TMEM117: variants seen among roughly 807,000 people sequenced by gnomAD.
TMEM117 encodes transmembrane protein 117.
In TMEM117, 27 loss-of-function variants were observed where a neutral mutation model predicts 52.4. The ratio of observed to expected loss-of-function variants is 0.51; its 90% CI spans 0.38 to 0.71. The LOEUF is 0.71. TMEM117 is among the 30% of genes least tolerant of loss of function. TMEM117 has a pLI of 0.00. For synonymous variants in TMEM117, 215 were observed against 206.3 expected (o/e 1.04, Z -0.36); for missense variants, 556 against 630.5 (o/e 0.88, Z 1.26).
intron 3 of TMEM117, among the ~76,000 whole-genome samples, chr12:44,119,960 G>C (rs1390081303): frequency 6.6e-6 from 1 of 152,090 alleles, no homozygotes; most frequent in Non-Finnish European, 1.5e-5. Context: ...TAGTATCTTG[G>C]AGAAGTGGCA....
chr12:43,939,935 G>A (rs1945016574), intron 2 of TMEM117, among the ~76,000 whole-genome samples: 1 of 152,192 alleles, frequency 6.6e-6, no homozygotes. Flanking sequence ...GAGAGCTTGT[G>A]TAGAGGAACT....
intron 5 of TMEM117, among the ~76,000 whole-genome samples, chr12:44,255,629 A>C (rs1392806690): frequency 6.6e-6 from 1 of 152,140 alleles, no homozygotes; most frequent in East Asian, 1.9e-4. Flanking sequence ...TAATTGTAAA[A>C]GCAGGATATA....
chr12:44,243,601 A>G (rs1344304469), intron 5 of TMEM117, among the ~76,000 whole-genome samples: 3 of 151,658 alleles, frequency 2.0e-5, no homozygotes, highest in Admixed American at 2.0e-4. Context: ...TAACATATCT[A>G]TTATTTCACA....
chr12:44,281,836 ACTTT>A (rs1242337842), intron 5 of TMEM117, among the ~76,000 whole-genome samples: 1 of 152,124 alleles, frequency 6.6e-6, no homozygotes, highest in Non-Finnish European at 1.5e-5. Flanking sequence ...CTTTATTATG[ACTTT>A]CTTTACCAAT....
intron 6 of TMEM117, among the ~76,000 whole-genome samples, chr12:44,348,331 T>A (rs1275554610): frequency 6.6e-6 from 1 of 151,842 alleles, no homozygotes; most frequent in Non-Finnish European, 1.5e-5. Flanking sequence ...CCCATTCTAA[T>A]GATCCCAACT....
chr12:44,032,450 A>C (rs961218770), intron 3 of TMEM117, among the ~76,000 whole-genome samples: 7 of 152,188 alleles, frequency 4.6e-5, no homozygotes, highest in Non-Finnish European at 5.9e-5. Flanking sequence ...GAAACAAGAG[A>C]GATGGGTAAT....
chr12:44,064,385 T>C (rs1947188999), intron 3 of TMEM117, among the ~76,000 whole-genome samples: 1 of 152,244 alleles, frequency 6.6e-6, no homozygotes, highest in South Asian at 2.1e-4. Flanking sequence ...CTCATACTAA[T>C]TTATTACTTC....
intron 3 of TMEM117, among the ~76,000 whole-genome samples, chr12:43,988,543 G>A (rs1306702071): frequency 2.0e-5 from 3 of 152,046 alleles, no homozygotes; most frequent in Admixed American, 2.0e-4. Flanking sequence ...AGAACATATG[G>A]ACTGTAATGC....
intron 2 of TMEM117, among the ~76,000 whole-genome samples, chr12:43,865,567 C>T (rs928114370): frequency 1.3e-5 from 2 of 151,882 alleles, no homozygotes; most frequent in African/African-American, 4.8e-5. Flanking sequence ...CGTGGTGGTG[C>T]ATGTCTGTAA....
chr12:43,844,932 A>T lies in TMEM117; in HGVS notation c.277+4A>T, dbSNP rs775441902. 1 of 1,611,226 alleles carries T rather than the reference A, an allele frequency of 6.2e-7. No individual in the cohort carries two copies. The highest frequency in any genetic ancestry group is 8.5e-7 in the Non-Finnish European group (1 of 1,179,280). ...CTGTTCCATCAGCGTTTGTTTGGTA[A>T]GTACCATGACCCATGAAATGTAATA... is the stretch of plus-strand genomic sequence containing the variant. On this transcript the variant is annotated splice_donor_region_variant and intron_variant, in intron 2 of 7. Transcript: ENST00000266534.
intron 3 of TMEM117, among the ~76,000 whole-genome samples, chr12:44,077,965 A>G (rs1051589880): frequency 1.3e-5 from 2 of 152,120 alleles, no homozygotes; most frequent in East Asian, 1.9e-4. Flanking sequence ...AACTCAAAAG[A>G]AGGAGGAAAA....
chr12:44,202,803 T>C (rs2138373740), intron 4 of TMEM117, among the ~76,000 whole-genome samples: 1 of 152,058 alleles, frequency 6.6e-6, no homozygotes, highest in East Asian at 1.9e-4. Context: ...CTTTTTTTTT[T>C]TTTTAGATGG....
intron 4 of TMEM117, among the ~76,000 whole-genome samples, chr12:44,152,382 A>C (rs1054451955): frequency 4.3e-4 from 45 of 105,034 alleles, no homozygotes; most frequent in African/African-American, 1.1e-3. Flanking sequence ...ATATAAATTT[A>C]TATATTTATA....
chr12:43,895,396 C>T (rs1386087955), intron 2 of TMEM117, among the ~76,000 whole-genome samples: 1 of 152,106 alleles, frequency 6.6e-6, no homozygotes, highest in Non-Finnish European at 1.5e-5. Flanking sequence ...TCCAGTCTAT[C>T]ACTGACGCGC....
At chr12:44,010,011 G>A in intron 3 of TMEM117, 2 of 331,528 alleles carry the variant, frequency 6.0e-6, no homozygotes, top group Non-Finnish European at 1.2e-5. Context: ...AGTGCCCTCA[G>A]GCCGAGATAC....
intron 4 of TMEM117, among the ~76,000 whole-genome samples, chr12:44,154,654 A>T (rs10880623): frequency 0.27 from 40,810 of 151,594 alleles, 9,919 homozygotes; most frequent in African/African-American, 0.65. Flanking sequence ...TCAAGGAAGA[A>T]TTTTGGCAAA....
Position 43,859,454 on chromosome 12 carries a change from A to G in TMEM117, c.277+14526A>G, listed in dbSNP as rs1365291106. Among the ~76,000 whole-genome samples the G allele has an allele frequency of 2.0e-5, 3 of 152,196 alleles. No individual in the cohort carries two copies. The East Asian group carries it at 5.8e-4, about 29-fold the overall frequency. ...TGAAAATGATAGGAAGCCATGGAGC[A>G]TATCTCTCCCTTCTTGATTTGTAAA... On this transcript the variant is annotated intron_variant, in intron 2 of 7. Transcript: ENST00000266534.
chr12:44,127,676 C>CA lies in TMEM117; in HGVS notation c.411-15838dup, dbSNP rs1044638075. ...GGGCAACAAGAGCAAAACTCTGTCT[C>CA]AAAAAAAAAAAGACTAAGTAAAATA... is the stretch of plus-strand genomic sequence containing the variant. On this transcript the variant is annotated intron_variant, in intron 3 of 7. Transcript: ENST00000266534. Among the ~76,000 whole-genome samples, 778 of 139,588 alleles carry CA rather than the reference C, an allele frequency of 5.6e-3. 1 individual carries two copies. The highest frequency in any genetic ancestry group is 7.6e-3 in the Non-Finnish European group (484 of 63,882). 91.6% of individuals were successfully genotyped at this position (139,588 alleles called of 152,430 possible).
At chr12:44,372,448 A>G (rs1331785460) in intron 6 of TMEM117, among the ~76,000 whole-genome samples, 2 of 152,170 alleles carry the variant, frequency 1.3e-5, no homozygotes, top group African/African-American at 4.8e-5. Flanking sequence ...AGTGTTTGCT[A>G]TGAATCACCC....
Sources: allele counts gnomAD v4.1 joint callset (sites outside exome capture counted in the v4.1 genomes callset), GRCh38; gene constraint gnomAD v4.1.1; transcripts MANE v1.5; gene names NCBI Gene and HGNC (gene_info 2026-07-23, HGNC 2026-07-21).